WDFY3: variants seen among roughly 807,000 people sequenced by gnomAD.
The protein encoded by WDFY3 is WD repeat and FYVE domain containing 3.
A neutral mutation model predicts 409.6 loss-of-function variants in WDFY3; 66 were observed. The observed-to-expected ratio is 0.16, with a 90% CI of 0.13 to 0.20. The LOEUF (loss-of-function observed/expected upper bound fraction) is 0.20, where lower values mean the gene tolerates loss of function less well. Ranked by LOEUF, WDFY3 falls within the 10% of genes least tolerant of loss-of-function variation. The pLI, the probability that WDFY3 is intolerant of heterozygous loss-of-function variation, is 1.00. For synonymous variants in WDFY3, 1,521 were observed against 1,537.1 expected (o/e 0.99, Z 0.25); for missense variants, 3,031 against 4,298.1 (o/e 0.71, Z 8.24).
intron 33 of WDFY3, among the ~76,000 whole-genome samples, chr4:84,756,384 A>C (rs1741461941): frequency 6.6e-6 from 1 of 152,040 alleles, no homozygotes; most frequent in Non-Finnish European, 1.5e-5. Context: ...CAGGAGTTCA[A>C]GACCAGCTAG....
At position 84,966,313 on chromosome 4, in the gene WDFY3, G is replaced by A. The variant is rs1218636910; in HGVS notation, c.-330C>T. 3 of 149,244 alleles carry A rather than the reference G, an allele frequency of 2.0e-5. No homozygotes were observed. Among genetic ancestry groups the A allele is most frequent in the Non-Finnish European group, 4.5e-5 (3 of 67,030 alleles). 9.2% of individuals were successfully genotyped at this position (149,244 alleles called of 1,614,324 possible). A position where few individuals can be genotyped will look rare whatever the true frequency, so the allele number is the denominator to read the frequency against. On this transcript the variant is annotated 5_prime_UTR_variant, in exon 1 of 68. Coordinates refer to ENST00000295888, the MANE Select transcript of WDFY3 (RefSeq NM_014991.6). ...CACGGGCTACGGGGAAGGGGCGACC[G>A]GCGCGACGTCCGCGGCGGGGCCCGG...
chr4:84,715,776 G>GAAAA (rs370627075), intron 49 of WDFY3, among the ~76,000 whole-genome samples: 53 of 45,674 alleles, frequency 1.2e-3, no homozygotes, highest in Non-Finnish European at 1.3e-3. Context: ...CTCTGTCTCA[G>GAAAA]AAAAAAAAAA....
intron 45 of WDFY3, among the ~76,000 whole-genome samples, chr4:84,725,488 T>C (rs1340219736): frequency 6.6e-6 from 1 of 152,102 alleles, no homozygotes; most frequent in Non-Finnish European, 1.5e-5. Context: ...TCACGGAAGA[T>C]GAGAAACTAA....
intron 56 of WDFY3, among the ~76,000 whole-genome samples, chr4:84,700,881 G>C (rs559889573): frequency 2.0e-5 from 3 of 152,120 alleles, no homozygotes; most frequent in Non-Finnish European, 4.4e-5. Flanking sequence ...TGGCTGAGAC[G>C]GGCAGATGAC....
chr4:84,964,892 C>G (rs1324076628), intron 1 of WDFY3, among the ~76,000 whole-genome samples: 2 of 152,272 alleles, frequency 1.3e-5, no homozygotes, highest in Non-Finnish European at 2.9e-5. Context: ...AAACCTCTTT[C>G]TAGCAGCTTG....
intron 23 of WDFY3, 35 bp from the exon 24 acceptor site, chr4:84,786,174 A>G (rs1747518677): frequency 6.4e-7 from 1 of 1,553,372 alleles, no homozygotes; most frequent in African/African-American, 1.4e-5. Context: ...CAAAATCATC[A>G]GTAGTTCTCA....
At chr4:84,909,059 C>A (rs547603865) in intron 2 of WDFY3, among the ~76,000 whole-genome samples, 5 of 151,976 alleles carry the variant, frequency 3.3e-5, no homozygotes, top group South Asian at 4.2e-4. Context: ...CACACACACA[C>A]AAAAATATTT....
chr4:84,772,769 G>T, intron 30 of WDFY3, 66 bp downstream of exon 30: 1 of 1,289,052 alleles, frequency 7.8e-7, no homozygotes, highest in Non-Finnish European at 1.1e-6. Context: ...TCTAATTTGG[G>T]CCAGAAGAAA....
chr4:84,705,600 G>C, intron 53 of WDFY3, 89 bp from the exon 54 acceptor site: 6 of 1,060,164 alleles, frequency 5.7e-6, no homozygotes, highest in Non-Finnish European at 7.2e-6. Context: ...GGATGATGAT[G>C]ATTTATAAAC....
intron 2 of WDFY3, among the ~76,000 whole-genome samples, chr4:84,912,218 A>T (rs1767889610): frequency 6.6e-6 from 1 of 152,216 alleles, no homozygotes; most frequent in Non-Finnish European, 1.5e-5. Flanking sequence ...AAGTCATGAC[A>T]TAACAAGGAA....
At chr4:84,693,169 C>T (rs553315844) in intron 58 of WDFY3, 137 bp from the exon 59 acceptor site, 5 of 926,096 alleles carry the variant, frequency 5.4e-6, no homozygotes, top group Non-Finnish European at 6.3e-6. Context: ...ATTTTACACC[C>T]GAGGAAAGAG....
intron 67 of WDFY3, among the ~76,000 whole-genome samples, chr4:84,676,913 T>C (rs576486987): frequency 2.3e-4 from 35 of 152,328 alleles, no homozygotes; most frequent in Non-Finnish European, 4.9e-4. Context: ...AATGTATCTA[T>C]AGTGTTTATA....
intron 32 of WDFY3, among the ~76,000 whole-genome samples, chr4:84,762,895 T>G (rs901761107): frequency 3.3e-5 from 5 of 152,078 alleles, no homozygotes; most frequent in Non-Finnish European, 7.3e-5. Flanking sequence ...GAGGACTGCT[T>G]GAGCCCAGGA....
intron 46 of WDFY3, among the ~76,000 whole-genome samples, chr4:84,723,622 T>A (rs1735191111): frequency 6.6e-6 from 1 of 151,614 alleles, no homozygotes; most frequent in African/African-American, 2.4e-5. Context: ...ATTTATAAAG[T>A]GAGAAAAAAA....
At chr4:84,944,429 G>A (rs921248505) in intron 1 of WDFY3, among the ~76,000 whole-genome samples, 5 of 152,130 alleles carry the variant, frequency 3.3e-5, no homozygotes, top group African/African-American at 1.2e-4. Context: ...TTACTTGGAA[G>A]GTTGAGGTGG....
chr4:84,955,177 T>G (rs1774085502), intron 1 of WDFY3, among the ~76,000 whole-genome samples: 2 of 148,626 alleles, frequency 1.3e-5, no homozygotes, highest in East Asian at 2.0e-4. Flanking sequence ...CACTCCAGCC[T>G]GGGCGACAGA....
chr4:84,862,070 A>G (rs897931265), intron 3 of WDFY3, among the ~76,000 whole-genome samples: 4 of 152,252 alleles, frequency 2.6e-5, no homozygotes. Context: ...GCAAGGTTAG[A>G]GTTTTATTTA....
At chr4:84,745,064 T>C (rs1346511101) in intron 36 of WDFY3, among the ~76,000 whole-genome samples, 1 of 152,034 alleles carries the variant, frequency 6.6e-6, no homozygotes, top group Non-Finnish European at 1.5e-5. Context: ...TATGTTAAAG[T>C]GTAGAGCACA....
intron 1 of WDFY3, among the ~76,000 whole-genome samples, chr4:84,945,574 A>G (rs1171397180): frequency 1.3e-5 from 2 of 152,174 alleles, no homozygotes; most frequent in Non-Finnish European, 2.9e-5. Flanking sequence ...CTCACAGAGG[A>G]GTAATGGCAT....
Sources: gnomAD v4.1 joint callset for allele counts (sites outside exome capture counted in the v4.1 genomes callset) on GRCh38, gnomAD v4.1.1 for gene constraint, MANE v1.5 for transcripts, NCBI Gene and HGNC (gene_info 2026-07-23, HGNC 2026-07-21) for gene names.